KCNC2: variants seen among roughly 807,000 people sequenced by gnomAD.
KCNC2 encodes the protein potassium voltage-gated channel subfamily C member 2, also known as voltage-gated potassium channel KCNC2.
In KCNC2, 21 loss-of-function variants were observed where a neutral mutation model predicts 44.5. The ratio of observed to expected loss-of-function variants is 0.47; its 90% CI spans 0.33 to 0.68. The LOEUF (loss-of-function observed/expected upper bound fraction) is 0.68. KCNC2 is among the 30% of genes least tolerant of loss of function. The pLI is 0.01. For synonymous variants in KCNC2, 391 were observed against 339.1 expected (o/e 1.15, Z -1.68); for missense variants, 589 against 826.2 (o/e 0.71, Z 3.52).
At chr12:75,075,658 C>A (rs1340089175) in intron 2 of KCNC2, among the ~76,000 whole-genome samples, 1 of 151,696 alleles carries the variant, frequency 6.6e-6, no homozygotes, top group African/African-American at 2.4e-5. Context: ...AATCTTAGAA[C>A]CTTGGACTTA....
In KCNC2 at chr12:75,043,514, G is replaced by T. The variant is rs1241812631; in HGVS notation, c.1781-273C>A. The T allele has an allele frequency of 2.9e-5, 36 of 1,230,184 alleles. No individual in the cohort carries two copies. The Admixed American group carries it at 1.1e-3, about 37-fold the overall frequency. The allele number at this position is 1,230,184 out of a possible 1,614,324, so 76.2% of individuals were successfully genotyped here. On this transcript the variant is annotated intron_variant, in intron 4 of 4. Transcript: ENST00000549446. ...TATAGTTAGCATTAATATAATTTTG[G>T]CATATAGAATACTAGAACTCATTTA...
At chr12:75,185,220 T>C (rs1273745754) in intron 2 of KCNC2, among the ~76,000 whole-genome samples, 1 of 152,232 alleles carries the variant, frequency 6.6e-6, no homozygotes, top group African/African-American at 2.4e-5. Context: ...ATCTTTGGGC[T>C]ATAACAGTGA....
intron 2 of KCNC2, among the ~76,000 whole-genome samples, chr12:75,054,027 A>T (rs12306303): frequency 0.027 from 4,121 of 151,442 alleles, 171 homozygotes; most frequent in African/African-American, 0.09. Flanking sequence ...GTTCAAGACC[A>T]TCCTGGCCAA....
At chr12:75,206,365 C>T (rs1023474883) in intron 2 of KCNC2, among the ~76,000 whole-genome samples, 2 of 152,148 alleles carry the variant, frequency 1.3e-5, no homozygotes, top group Non-Finnish European at 2.9e-5. Flanking sequence ...TATTTCCTTT[C>T]AACCAGAGAA....
At chr12:75,120,288 C>A (rs1448604480) in intron 2 of KCNC2, among the ~76,000 whole-genome samples, 1 of 152,178 alleles carries the variant, frequency 6.6e-6, no homozygotes, top group Non-Finnish European at 1.5e-5. Flanking sequence ...GCAGTATAGA[C>A]CACAGACAGA....
intron 2 of KCNC2, among the ~76,000 whole-genome samples, chr12:75,062,434 T>C (rs1474987723): frequency 1.3e-5 from 2 of 152,102 alleles, no homozygotes; most frequent in Non-Finnish European, 1.5e-5. Context: ...TTTTTATATA[T>C]AGTGTTTTTT....
chr12:75,110,804 A>G (rs957824591), intron 2 of KCNC2, among the ~76,000 whole-genome samples: 2 of 152,128 alleles, frequency 1.3e-5, no homozygotes, highest in African/African-American at 2.4e-5. Flanking sequence ...AAAGCAAAAA[A>G]GAAGATAAAT....
intron 2 of KCNC2, among the ~76,000 whole-genome samples, chr12:75,170,688 G>GA (rs747608677): frequency 4.0e-5 from 6 of 151,678 alleles, no homozygotes; most frequent in Non-Finnish European, 5.9e-5. Flanking sequence ...ATATGCCGTT[G>GA]ATGTTGAACT....
intron 2 of KCNC2, among the ~76,000 whole-genome samples, chr12:75,189,387 G>A (rs191218221): frequency 8.1e-4 from 123 of 152,302 alleles, no homozygotes; most frequent in Admixed American, 1.4e-3. Context: ...AGGAGTCACA[G>A]AACTGAGGGA....
At chr12:75,155,817 T>G (rs1019532942) in intron 2 of KCNC2, among the ~76,000 whole-genome samples, 1 of 151,694 alleles carries the variant, frequency 6.6e-6, no homozygotes, top group African/African-American at 2.4e-5. Context: ...ACTAAATGCT[T>G]TAGATACAGT....
chr12:75,041,383 T>TC lies in KCNC2; in HGVS notation c.*1721dup. ...AACATCTCCAACATGCAGGTCATGC[T>TC]CTAGGACTTGGGGATATAGAGTAAT... On this transcript the variant is annotated 3_prime_UTR_variant, in exon 5 of 5. Transcript: ENST00000549446. The TC allele has an allele frequency of 7.0e-7, 1 of 1,419,236 alleles. No individual in the cohort carries two copies. Among genetic ancestry groups the TC allele is most frequent in the Non-Finnish European group, 9.2e-7 (1 of 1,085,108 alleles). The allele number at this position is 1,419,236 out of a possible 1,614,324, so 87.9% of individuals were successfully genotyped here. A position where few individuals can be genotyped will look rare whatever the true frequency, so the allele number is the denominator to read the frequency against.
At chr12:75,125,573 T>C (rs541888104) in intron 2 of KCNC2, among the ~76,000 whole-genome samples, 9 of 152,328 alleles carry the variant, frequency 5.9e-5, no homozygotes, top group African/African-American at 2.2e-4. Flanking sequence ...TCTTTCATGT[T>C]TGGATATTTC....
intron 2 of KCNC2, among the ~76,000 whole-genome samples, chr12:75,065,127 G>C (rs1280195019): frequency 6.6e-6 from 1 of 151,846 alleles, no homozygotes; most frequent in African/African-American, 2.4e-5. Flanking sequence ...TTACTAATTT[G>C]GTTTCCTTAT....
At chr12:75,123,143 C>T (rs1188518032) in intron 2 of KCNC2, among the ~76,000 whole-genome samples, 2 of 151,924 alleles carry the variant, frequency 1.3e-5, no homozygotes, top group Non-Finnish European at 2.9e-5. Flanking sequence ...AATTTCATTA[C>T]ATAAATTTAA....
At chr12:75,181,500 C>G (rs1565670633) in intron 2 of KCNC2, among the ~76,000 whole-genome samples, 2 of 152,154 alleles carry the variant, frequency 1.3e-5, no homozygotes, top group South Asian at 4.1e-4. Flanking sequence ...CGCACCTTCC[C>G]CTTCAAGGCT....
At chr12:75,053,329 T>G (rs1470598534) in intron 2 of KCNC2, among the ~76,000 whole-genome samples, 1 of 152,062 alleles carries the variant, frequency 6.6e-6, no homozygotes, top group African/African-American at 2.4e-5. Flanking sequence ...ATTTACAGAC[T>G]CAGAAGAATC....
chr12:75,193,440 G>A (rs1302663557), intron 2 of KCNC2, among the ~76,000 whole-genome samples: 1 of 152,086 alleles, frequency 6.6e-6, no homozygotes, highest in Non-Finnish European at 1.5e-5. Context: ...AGAGGGAGCT[G>A]GCTATGGGAC....
At chr12:75,200,057 G>C (rs2031109527) in intron 2 of KCNC2, among the ~76,000 whole-genome samples, 1 of 151,664 alleles carries the variant, frequency 6.6e-6, no homozygotes, top group Admixed American at 6.6e-5. Context: ...AACTGGAAGG[G>C]AATCTTGAAA....
chr12:75,111,564 AT>A (rs1174915939), intron 2 of KCNC2, among the ~76,000 whole-genome samples: 8 of 151,906 alleles, frequency 5.3e-5, no homozygotes, highest in East Asian at 1.9e-4. Flanking sequence ...CCAAATGTTT[AT>A]TTTTTTTCAA....
Sources: gnomAD v4.1 joint callset for allele counts (sites outside exome capture counted in the v4.1 genomes callset) on GRCh38, gnomAD v4.1.1 for gene constraint, MANE v1.5 for transcripts, NCBI Gene and HGNC (gene_info 2026-07-23, HGNC 2026-07-21) for gene names.